TCF7L1: variants seen among roughly 807,000 people sequenced by gnomAD.
TCF7L1 encodes the protein transcription factor 7 like 1.
In TCF7L1, 18 loss-of-function variants were observed where a neutral mutation model predicts 63.7. The observed-to-expected ratio is 0.28, with a 90% CI of 0.20 to 0.42. The LOEUF is 0.42. Among genes scored for constraint, TCF7L1 ranks in the 10% least tolerant of loss-of-function variants. The probability of loss-of-function intolerance (pLI) is 1.00; values close to 1 mark genes in which losing one functional copy is unlikely to be tolerated. For synonymous variants in TCF7L1, 355 were observed against 340.9 expected, an observed-to-expected ratio of 1.04 and a Z score of -0.46; for missense variants, 654 against 779.3, an observed-to-expected ratio of 0.84 and a Z score of 1.91.
intron 3 of TCF7L1, among the ~76,000 whole-genome samples, chr2:85,184,618 C>T (rs1440112421): frequency 6.6e-6 from 1 of 152,100 alleles, no homozygotes; most frequent in African/African-American, 2.4e-5. Flanking sequence ...TGGAGAGCTC[C>T]GCAGAAGATG....
chr2:85,133,958 C>G lies in TCF7L1; in HGVS notation c.249+25C>G, dbSNP rs903187170. The G allele has an allele frequency of 6.4e-7, 1 of 1,573,844 alleles. No homozygotes were observed. Among genetic ancestry groups the G allele is most frequent in the Non-Finnish European group, 8.6e-7 (1 of 1,158,188 alleles). ...GGTAAGGAAGCACCGCGGCCACCCC[C>G]GGGGGATCCCGGCCCTGCGTCCGCT... On this transcript the variant is annotated intron_variant, in intron 1 of 11. Coordinates refer to ENST00000282111, the MANE Select transcript of TCF7L1 (RefSeq NM_031283.3). This position sits in a 1 kb window ranked among gnomAD's most constrained non-coding sequence, Gnocchi z 4.4.
intron 8 of TCF7L1, 127 bp downstream of exon 8, chr2:85,305,530 C>A: frequency 8.6e-7 from 1 of 1,160,714 alleles, no homozygotes; most frequent in Non-Finnish European, 1.2e-6. Context: ...CACAGCCTCC[C>A]CAGCCAGGCC....
At position 85,134,366 on chromosome 2, in the gene TCF7L1, C is replaced by G; in HGVS notation, c.357C>G (p.Tyr119Ter). The G allele has an allele frequency of 6.3e-7, 1 of 1,580,558 alleles. No homozygotes were observed. Among genetic ancestry groups the G allele is most frequent in the Non-Finnish European group, 8.6e-7 (1 of 1,162,528 alleles). ...QDSAFFKGPP[Y>*]PGYPFLMIPD... Reference sequence around the variant, plus strand: ...GCGCGTTCTTTAAAGGACCCCCGTACCCTGGGTACCCCTTCCTGATGATCC... The same window carrying G: ...GCGCGTTCTTTAAAGGACCCCCGTAGCCTGGGTACCCCTTCCTGATGATCC... Residue 119 changes from tyrosine to a stop codon, truncating the protein, a stop_gained, in exon 3 of 12, where the codon TAC becomes TAG. Coordinates refer to ENST00000282111, the MANE Select transcript of TCF7L1 (RefSeq NM_031283.3). LOFTEE classifies it high-confidence loss of function. This position sits in a 1 kb window ranked among gnomAD's most constrained non-coding sequence, Gnocchi z 5.0.
Position 85,309,904 on chromosome 2 carries a change from G to A in TCF7L1, c.*442G>A, listed in dbSNP as rs1682237552. On this transcript the variant is annotated 3_prime_UTR_variant, in exon 12 of 12. Transcript: ENST00000282111. Reference sequence around the variant, plus strand: ...TTTTCATCGTCTGCTCAATACCGTGGGTTCTTCTTCGTCCTCTGTCCTCTG... The same window carrying A: ...TTTTCATCGTCTGCTCAATACCGTGAGTTCTTCTTCGTCCTCTGTCCTCTG... The A allele has an allele frequency of 6.3e-6, 1 of 159,758 alleles. No individual in the cohort carries two copies. The highest frequency in any genetic ancestry group is 1.4e-5 in the Non-Finnish European group (1 of 73,128). The allele number at this position is 159,758 out of a possible 1,614,324, so 9.9% of individuals were successfully genotyped here. A position where few individuals can be genotyped will look rare whatever the true frequency, so the allele number is the denominator to read the frequency against.
At chr2:85,223,022 T>C (rs1324469892) in intron 3 of TCF7L1, among the ~76,000 whole-genome samples, 3 of 152,106 alleles carry the variant, frequency 2.0e-5, no homozygotes, top group African/African-American at 7.2e-5. Flanking sequence ...CAGAACCTGG[T>C]GGTGGCTTAA....
chr2:85,182,939 G>C (rs938827384), intron 3 of TCF7L1, among the ~76,000 whole-genome samples: 1 of 152,200 alleles, frequency 6.6e-6, no homozygotes, highest in Non-Finnish European at 1.5e-5. Flanking sequence ...GTTCTCAGAG[G>C]ATGCCGATGC....
chr2:85,308,046 A>G (rs1682158172), intron 11 of TCF7L1, among the ~76,000 whole-genome samples: 1 of 152,122 alleles, frequency 6.6e-6, no homozygotes, highest in African/African-American at 2.4e-5. Context: ...TACCCTTAGG[A>G]AGGCAGCACA....
intron 4 of TCF7L1, among the ~76,000 whole-genome samples, chr2:85,284,849 C>T (rs1160051009): frequency 6.6e-6 from 1 of 152,152 alleles, no homozygotes; most frequent in Non-Finnish European, 1.5e-5. Context: ...CATAATGAAT[C>T]CCCATGTTCC....
chr2:85,259,818 G>A (rs747709362), intron 3 of TCF7L1, among the ~76,000 whole-genome samples: 7 of 152,082 alleles, frequency 4.6e-5, no homozygotes, highest in African/African-American at 1.4e-4. Flanking sequence ...CTTGAAATGC[G>A]GGGATGTTGA....
intron 3 of TCF7L1, among the ~76,000 whole-genome samples, chr2:85,221,276 G>A (rs570409257): frequency 6.6e-6 from 1 of 152,134 alleles, no homozygotes; most frequent in South Asian, 2.1e-4. Context: ...TCACGCATTT[G>A]TCCTGCCTGT....
chr2:85,198,993 T>C (rs1487452395), intron 3 of TCF7L1, among the ~76,000 whole-genome samples: 2 of 152,028 alleles, frequency 1.3e-5, no homozygotes, highest in African/African-American at 2.4e-5. Flanking sequence ...AGGTTTTTTG[T>C]GGGGGTAGGA....
intron 3 of TCF7L1, among the ~76,000 whole-genome samples, chr2:85,227,134 G>A (rs72840167): frequency 0.029 from 4,347 of 152,198 alleles, 82 homozygotes; most frequent in Non-Finnish European, 0.041. Flanking sequence ...CTCCTATGCT[G>A]TTTTGCTGTT....
intron 3 of TCF7L1, among the ~76,000 whole-genome samples, chr2:85,226,500 C>T (rs376693983): frequency 6.6e-6 from 1 of 152,192 alleles, no homozygotes; most frequent in Non-Finnish European, 1.5e-5. Flanking sequence ...GGCTTCTTTG[C>T]TGCTGTGCCA....
chr2:85,240,246 C>T (rs1680292387), intron 3 of TCF7L1, among the ~76,000 whole-genome samples: 1 of 152,172 alleles, frequency 6.6e-6, no homozygotes, highest in Non-Finnish European at 1.5e-5. Flanking sequence ...CTCCTCTGCA[C>T]AATGGAGATG....
At chr2:85,153,595 C>A (rs772377941) in intron 3 of TCF7L1, among the ~76,000 whole-genome samples, 3 of 152,122 alleles carry the variant, frequency 2.0e-5, no homozygotes, top group Admixed American at 6.5e-5. Flanking sequence ...CCCACCTCGG[C>A]CTCCCAAAGT....
At chr2:85,232,461 T>G (rs931273092) in intron 3 of TCF7L1, among the ~76,000 whole-genome samples, 2 of 152,128 alleles carry the variant, frequency 1.3e-5, no homozygotes, top group Non-Finnish European at 2.9e-5. Context: ...GTGATATGAG[T>G]GTCCTGGGGA....
At chr2:85,276,299 C>A (rs1234315792) in intron 3 of TCF7L1, among the ~76,000 whole-genome samples, 24 of 152,198 alleles carry the variant, frequency 1.6e-4, no homozygotes, top group African/African-American at 4.6e-4. Context: ...TCTCCAAGAA[C>A]TGGCCAAGTT....
intron 3 of TCF7L1, among the ~76,000 whole-genome samples, chr2:85,223,937 C>G (rs1158424905): frequency 6.6e-6 from 1 of 152,162 alleles, no homozygotes; most frequent in African/African-American, 2.4e-5. Context: ...ATCCCTCCCC[C>G]AGCCCCCACT....
intron 3 of TCF7L1, among the ~76,000 whole-genome samples, chr2:85,135,481 G>A (rs1355614286): frequency 6.6e-6 from 1 of 152,174 alleles, no homozygotes; most frequent in Non-Finnish European, 1.5e-5. Flanking sequence ...GTGGGTAAGG[G>A]GGCAGGGAGT....
Sources: allele counts gnomAD v4.1 joint callset (sites outside exome capture counted in the v4.1 genomes callset), GRCh38; gene constraint gnomAD v4.1.1; non-coding constraint Gnocchi (gnomAD v3.1); transcripts MANE v1.5; gene names NCBI Gene and HGNC (gene_info 2026-07-23, HGNC 2026-07-21).